ACAD10: variants seen among roughly 807,000 people sequenced by gnomAD.
The protein encoded by ACAD10 is ACAD-10.
In ACAD10, 112 loss-of-function variants were observed where a neutral mutation model predicts 116.8. The observed-to-expected ratio is 0.96, with a 90% CI of 0.82 to 1.12. The LOEUF is 1.12. Among genes scored for constraint, ACAD10 ranks in the 50% most tolerant of loss-of-function variants. The probability of loss-of-function intolerance (pLI) is 0.00; values close to 1 mark genes in which losing one functional copy is unlikely to be tolerated. For missense variants in ACAD10, 1,259 were observed against 1,350.2 expected, an observed-to-expected ratio of 0.93 and a Z score of 1.06; for synonymous variants, 486 against 510.6, an observed-to-expected ratio of 0.95 and a Z score of 0.65.
At chr12:111,745,333 T>A (rs562588153) in intron 13 of ACAD10, 42 of 465,000 alleles carry the variant, frequency 9.0e-5, no homozygotes, top group African/African-American at 7.4e-4. Flanking sequence ...TGATGGGTAT[T>A]TGAATTATGT....
chr12:111,723,695 C>CCCG (rs1491474887), intron 8 of ACAD10, among the ~76,000 whole-genome samples: 11 of 139,902 alleles, frequency 7.9e-5, no homozygotes, highest in African/African-American at 2.7e-4. Flanking sequence ...CCCCCCCCCC[C>CCCG]ACCTCCCTCC....
intron 18 of ACAD10, among the ~76,000 whole-genome samples, chr12:111,751,834 A>T (rs1890079931): frequency 6.6e-6 from 1 of 151,954 alleles, no homozygotes; most frequent in Non-Finnish European, 1.5e-5. Flanking sequence ...CGAGGTGGGC[A>T]GATCACCTGA....
Position 111,736,839 on chromosome 12 carries a change from G to T in ACAD10, c.1549G>T (p.Asp517Tyr). 6.2e-7 allele frequency: 1 copy of T among 1,613,250 alleles called. No individual in the cohort carries two copies. Residue 517 changes from aspartate to tyrosine, a missense_variant, in exon 12 of 21, where the codon GAC becomes TAC. Coordinates refer to ENST00000313698, the MANE Select transcript of ACAD10 (RefSeq NM_025247.6). ...CTCTGTCTTTCTCGCAGGTATTAAT[G>T]ACTGTGACTTGACACAGCTGGGAAT... is the stretch of plus-strand genomic sequence containing the variant. ...SSFPVLRGIN[D>Y]CDLTQLGIPA... is the part of the protein sequence containing the mutation.
intron 2 of ACAD10, among the ~76,000 whole-genome samples, chr12:111,697,884 T>C (rs1888234633): frequency 6.6e-6 from 1 of 151,324 alleles, no homozygotes; most frequent in African/African-American, 2.4e-5. Context: ...GGGCCTGGCC[T>C]TTTTTTTCCT....
At chr12:111,742,877 A>C (rs1889784551) in intron 12 of ACAD10, among the ~76,000 whole-genome samples, 1 of 151,760 alleles carries the variant, frequency 6.6e-6, no homozygotes, top group Non-Finnish European at 1.5e-5. Flanking sequence ...ACCTGGCTAA[A>C]TTTTGTACTT....
chr12:111,693,530 C>A (rs907593944), intron 2 of ACAD10, among the ~76,000 whole-genome samples: 1 of 151,976 alleles, frequency 6.6e-6, no homozygotes, highest in Admixed American at 6.6e-5. Flanking sequence ...AGAGCAAGAC[C>A]CTTACTCAAA....
At chr12:111,729,025 T>C (rs1444097484) in intron 9 of ACAD10, among the ~76,000 whole-genome samples, 2 of 152,114 alleles carry the variant, frequency 1.3e-5, no homozygotes, top group Admixed American at 6.6e-5. Flanking sequence ...CTAAGGGCTT[T>C]ACATATTTTA....
chr12:111,702,280 A>G lies in ACAD10; in HGVS notation c.306A>G (p.Leu102=), dbSNP rs1335012498. Residue 102 remains leucine (L), a synonymous_variant, in exon 3 of 21, where the codon TTA becomes TTG. Coordinates refer to ENST00000313698, the MANE Select transcript of ACAD10 (RefSeq NM_025247.6). The part of the protein sequence containing the change: ...MRAEITAEGF[L]REFGRLCSEM... Reference sequence around the variant, plus strand: ...CAGAAATAACAGCAGAGGGTTTTTTACGAGAATTTGGGAGACTTTGCTCTG... The same window carrying G: ...CAGAAATAACAGCAGAGGGTTTTTTGCGAGAATTTGGGAGACTTTGCTCTG... 1 of 1,614,170 alleles carries G rather than the reference A, an allele frequency of 6.2e-7. No homozygotes were observed. Among genetic ancestry groups the G allele is most frequent in the East Asian group, 2.2e-5 (1 of 44,888 alleles).
At chr12:111,698,887 CCTTT>C (rs1888269898) in intron 2 of ACAD10, among the ~76,000 whole-genome samples, 1 of 152,074 alleles carries the variant, frequency 6.6e-6, no homozygotes, top group Non-Finnish European at 1.5e-5. Flanking sequence ...TCTTTTTCTT[CCTTT>C]CTTTTTGAAA....
intron 7 of ACAD10, 29 bp from the exon 8 acceptor site, chr12:111,721,642 A>G (rs1378049991): frequency 5.8e-6 from 9 of 1,552,780 alleles, no homozygotes; most frequent in Middle Eastern, 3.4e-4. Context: ...TCAGCCAGCA[A>G]TTTTGTTTAT....
chr12:111,750,233 A>G (rs1224728952), intron 18 of ACAD10, among the ~76,000 whole-genome samples: 1 of 148,942 alleles, frequency 6.7e-6, no homozygotes, highest in Non-Finnish European at 1.5e-5. Flanking sequence ...CTGGGACTAC[A>G]GGCACCCGCC....
In ACAD10 at chr12:111,733,955, C is replaced by T. The variant is rs1889474929; in HGVS notation, c.1427C>T (p.Pro476Leu). Residue 476 changes from proline to leucine, a missense_variant, in exon 11 of 21, where the codon CCA becomes CTA. By Grantham distance (98) the Pro-to-Leu change is moderately conservative. Transcript: ENST00000313698. ...AACCTGGTGTTTCATCCAGAAGAGC[C>T]AGAGGTGCTTGCTGTCCTTGACTGG... ...LDNLVFHPEE[P>L]EVLAVLDWEL... 6.2e-7 allele frequency: 1 copy of T among 1,614,234 alleles called. No individual in the cohort carries two copies.
intron 6 of ACAD10, 121 bp from the exon 7 acceptor site, chr12:111,715,700 C>T (rs1433653663): frequency 7.4e-7 from 1 of 1,360,478 alleles, no homozygotes; most frequent in Non-Finnish European, 1.0e-6. Context: ...ACTTTTCTTG[C>T]ACTGCATGGC....
intron 3 of ACAD10, among the ~76,000 whole-genome samples, chr12:111,702,909 CAT>C (rs1376492712): frequency 6.6e-6 from 1 of 151,898 alleles, no homozygotes; most frequent in Non-Finnish European, 1.5e-5. Context: ...GCTTAGGCAA[CAT>C]AGCCAGACCT....
Position 111,712,615 on chromosome 12 carries a change from T to C in ACAD10, c.808T>C (p.Leu270=), listed in dbSNP as rs1163726705. The C allele has an allele frequency of 6.2e-7, 1 of 1,614,182 alleles. No individual in the cohort carries two copies. The highest frequency in any genetic ancestry group is 1.7e-5 in the Admixed American group (1 of 60,002). The change falls in exon 6 of 21, where the codon TTG becomes CTG. Residue 270 remains leucine, a synonymous_variant. Coordinates refer to ENST00000313698, the MANE Select transcript of ACAD10 (RefSeq NM_025247.6). ...GACGATGGAAATTCCGAAAGATTCCTTGCAGAAGTACCTCAAAGACTTACT... is the reference window on the plus strand; with the variant it reads ...GACGATGGAAATTCCGAAAGATTCCCTGCAGAAGTACCTCAAAGACTTACT... The part of the protein sequence containing the change: ...KKTMEIPKDS[L]QKYLKDLLGI...
chr12:111,701,802 C>G (rs904413668), intron 2 of ACAD10, among the ~76,000 whole-genome samples: 4 of 152,180 alleles, frequency 2.6e-5, no homozygotes, highest in African/African-American at 9.7e-5. Context: ...CAGGATCTGG[C>G]TTCTTCCTTC....
chr12:111,716,684 G>A (rs190614098), intron 7 of ACAD10, among the ~76,000 whole-genome samples: 4 of 152,064 alleles, frequency 2.6e-5, no homozygotes, highest in African/African-American at 9.6e-5. Flanking sequence ...GTGAAAACCT[G>A]TCTCTACCAA....
At chr12:111,708,158 C>T (rs937415122) in intron 4 of ACAD10, among the ~76,000 whole-genome samples, 4 of 152,122 alleles carry the variant, frequency 2.6e-5, no homozygotes, top group Non-Finnish European at 4.4e-5. Flanking sequence ...TCCTGCTTTG[C>T]CAAGAAAGTA....
Position 111,709,574 on chromosome 12 carries a change from T to C in ACAD10, c.580T>C (p.Tyr194His), listed in dbSNP as rs772497649. 3.1e-6 allele frequency: 5 copies of C among 1,613,444 alleles called. No homozygotes were observed. In the African/African-American group the frequency reaches 5.3e-5, roughly 17 times the overall value. The change falls in exon 5 of 21, where the codon TAC becomes CAC. Residue 194 changes from tyrosine (Y) to histidine (H), a missense_variant. Coordinates refer to ENST00000313698, the MANE Select transcript of ACAD10 (RefSeq NM_025247.6). ...GATCTGTAAGCCAGACCCTAGGATC[T>C]ACAAGCTGTGCTTGGAGCAGCTCGG... ...EGICKPDPRIYKLCLEQLGLQ... is the reference protein window; with the variant it reads ...EGICKPDPRIHKLCLEQLGLQ...
Sources: allele counts gnomAD v4.1 joint callset (sites outside exome capture counted in the v4.1 genomes callset), GRCh38; gene constraint gnomAD v4.1.1; transcripts MANE v1.5; gene names NCBI Gene and HGNC (gene_info 2026-07-23, HGNC 2026-07-21).